SASH1: variants seen among roughly 807,000 people sequenced by gnomAD.
SASH1 encodes SAM and SH3 domain-containing protein 1.
SASH1 carries 44 observed loss-of-function variants against 125.2 expected under a neutral mutation model. The observed-to-expected ratio is 0.35, with a 90% confidence interval of 0.28 to 0.45. The LOEUF (loss-of-function observed/expected upper bound fraction) is 0.45, where lower values mean the gene tolerates loss of function less well. SASH1 is among the 20% of genes least tolerant of loss of function. SASH1 has a pLI of 1.00. For missense variants in SASH1, 1,426 were observed against 1,614.5 expected (o/e 0.88, Z 2.00); for synonymous variants, 639 against 649.1 (o/e 0.98, Z 0.24).
intron 1 of SASH1, among the ~76,000 whole-genome samples, chr6:148,326,245 C>G (rs1396788168): frequency 2.1e-5 from 3 of 142,272 alleles, no homozygotes; most frequent in Non-Finnish European, 4.5e-5. Flanking sequence ...CAAGGCTGGT[C>G]TCGAACTCCT....
the SASH1 span, among the ~76,000 whole-genome samples, chr6:148,202,249 A>T: frequency 6.6e-6 from 1 of 152,158 alleles, no homozygotes; most frequent in African/African-American, 2.4e-5. Flanking sequence ...CCCACTAAAA[A>T]CTACTCTACA....
At chr6:148,483,451 A>G (rs1778714511) in intron 7 of SASH1, among the ~76,000 whole-genome samples, 1 of 152,158 alleles carries the variant, frequency 6.6e-6, no homozygotes, top group Non-Finnish European at 1.5e-5. Flanking sequence ...GAGACATCCA[A>G]ACTATATATA....
At chr6:148,399,797 C>T (rs551475324) in intron 2 of SASH1, among the ~76,000 whole-genome samples, 145 of 141,842 alleles carry the variant, frequency 1.0e-3, no homozygotes, top group African/African-American at 4.3e-3. Context: ...TTGGCCAGGG[C>T]TTGGCCAGGG....
intron 1 of SASH1, among the ~76,000 whole-genome samples, chr6:148,359,325 G>GTTTT (rs374218290): frequency 0.22 from 30,432 of 138,306 alleles, 3,721 homozygotes; most frequent in Non-Finnish European, 0.28. Context: ...TGCTTGGCCG[G>GTTTT]TTTTTTTTTT....
the SASH1 span, among the ~76,000 whole-genome samples, chr6:148,214,800 T>TGC: frequency 2.6e-5 from 4 of 152,230 alleles, no homozygotes; most frequent in African/African-American, 7.2e-5. Context: ...TGAGATTTCA[T>TGC]GCCGTTATTA....
At chr6:148,305,012 T>C (rs1013671652) in intron 1 of SASH1, among the ~76,000 whole-genome samples, 6 of 152,062 alleles carry the variant, frequency 3.9e-5, no homozygotes, top group African/African-American at 1.4e-4. Flanking sequence ...GCCTGGGCGA[T>C]AGAGCGAGAC....
At chr6:148,403,758 C>G (rs1436232719) in intron 2 of SASH1, among the ~76,000 whole-genome samples, 1 of 151,642 alleles carries the variant, frequency 6.6e-6, no homozygotes, top group East Asian at 2.0e-4. Context: ...TCTTGAACTC[C>G]TGACCACAGG....
chr6:148,490,013 T>TAAAAAAAAAAA (rs57304766), intron 8 of SASH1, among the ~76,000 whole-genome samples: 1 of 124,976 alleles, frequency 8.0e-6, no homozygotes, highest in Non-Finnish European at 1.6e-5. Flanking sequence ...ATCCTGTCTT[T>TAAAAAAAAAAA]AAAAAAAAAA....
the SASH1 span, among the ~76,000 whole-genome samples, chr6:148,231,496 A>G: frequency 6.6e-6 from 1 of 152,214 alleles, no homozygotes; most frequent in African/African-American, 2.4e-5. Context: ...AGGACAACAA[A>G]TTTTTAAAAG....
At chr6:148,326,702 G>A (rs960328768) in intron 1 of SASH1, among the ~76,000 whole-genome samples, 2 of 151,846 alleles carry the variant, frequency 1.3e-5, no homozygotes, top group South Asian at 2.1e-4. Flanking sequence ...TCGCCTGGCC[G>A]CCATATTGCT....
chr6:148,195,093 T>C, the SASH1 span, among the ~76,000 whole-genome samples: 1 of 152,262 alleles, frequency 6.6e-6, no homozygotes, highest in Admixed American at 6.5e-5. Flanking sequence ...ACATTTACTT[T>C]TGTTTATCCA....
At chr6:148,196,078 G>A in the SASH1 span, among the ~76,000 whole-genome samples, 3 of 152,182 alleles carry the variant, frequency 2.0e-5, no homozygotes, top group Non-Finnish European at 2.9e-5. Context: ...TTGTCTCTCA[G>A]CCTTCTCCAC....
chr6:148,338,074 T>A (rs573642202), upstream of SASH1, among the ~76,000 whole-genome samples: 19 of 116,666 alleles, frequency 1.6e-4, no homozygotes, highest in African/African-American at 4.6e-4. Context: ...TTCCCTGCCT[T>A]GAAGAACTTT....
intron 10 of SASH1, chr6:148,525,021 T>TAA (rs113815518): frequency 6.3e-5 from 26 of 410,026 alleles, no homozygotes; most frequent in Middle Eastern, 6.4e-4. Context: ...TTAGGCTTTT[T>TAA]AAAAAAAATG....
intron 1 of SASH1, among the ~76,000 whole-genome samples, chr6:148,380,780 C>A (rs556177966): frequency 6.6e-6 from 1 of 152,136 alleles, no homozygotes; most frequent in Non-Finnish European, 1.5e-5. Context: ...CAGAGCCTTT[C>A]GTTCCAAAGA....
chr6:148,300,343 A>T (rs1189661732), intron 1 of SASH1, among the ~76,000 whole-genome samples: 5 of 151,982 alleles, frequency 3.3e-5, no homozygotes, highest in Non-Finnish European at 2.9e-5. Context: ...CCCCTCCGTA[A>T]TATTCTCACC....
the SASH1 span, among the ~76,000 whole-genome samples, chr6:148,255,830 G>A: frequency 6.6e-6 from 1 of 151,918 alleles, no homozygotes; most frequent in Non-Finnish European, 1.5e-5. Context: ...TTTGTAGAGA[G>A]GGGGTTTCAC....
chr6:148,209,293 A>C, the SASH1 span, among the ~76,000 whole-genome samples: 9,452 of 152,298 alleles, frequency 0.062, 424 homozygotes, highest in Middle Eastern at 0.12. Flanking sequence ...CTGAAATATT[A>C]ATCAAAAGCT....
intron 1 of SASH1, among the ~76,000 whole-genome samples, chr6:148,375,590 C>G (rs988284776): frequency 6.6e-6 from 1 of 152,126 alleles, no homozygotes; most frequent in African/African-American, 2.4e-5. Flanking sequence ...TTGAGATCAT[C>G]TTGAGGGGAA....
Sources: gnomAD v4.1 joint callset for allele counts (sites outside exome capture counted in the v4.1 genomes callset) on GRCh38, gnomAD v4.1.1 for gene constraint, MANE v1.5 for transcripts, NCBI Gene and HGNC (gene_info 2026-07-23, HGNC 2026-07-21) for gene names.